The following TRMT11 variants were observed in gnomAD, a reference collection of about 807,000 sequenced individuals.
The protein encoded by TRMT11 is tRNA (guanine(10)-N(2))-methyltransferase TRMT11.
TRMT11 carries 53 observed loss-of-function variants against 62.8 expected under a neutral mutation model. The ratio of observed to expected loss-of-function variants is 0.84; its 90% CI spans 0.68 to 1.06. The LOEUF is 1.06. Ranked by LOEUF, TRMT11 falls within the 50% of genes least tolerant of loss-of-function variation. TRMT11 has a pLI of 0.00. For missense variants in TRMT11, 556 were observed against 553.4 expected, an observed-to-expected ratio of 1.00 and a Z score of -0.05; for synonymous variants, 188 against 190.3, an observed-to-expected ratio of 0.99 and a Z score of 0.10.
intron 21 of TRMT11, among the ~76,000 whole-genome samples, chr6:126,137,424 T>A (rs1777864193): frequency 6.6e-6 from 1 of 151,506 alleles, no homozygotes; most frequent in Non-Finnish European, 1.5e-5. Flanking sequence ...GAAATGCAAA[T>A]CAAAACCACA....
chr6:126,043,689 A>G (rs1241616734), downstream of TRMT11, among the ~76,000 whole-genome samples: 146 of 152,016 alleles, frequency 9.6e-4, 1 homozygote, highest in South Asian at 1.5e-3. Context: ...AACTGTTCCT[A>G]TTTCTCCACA....
At chr6:126,094,837 C>A (rs1434627455) in intron 17 of TRMT11, among the ~76,000 whole-genome samples, 1 of 152,184 alleles carries the variant, frequency 6.6e-6, no homozygotes, top group Admixed American at 6.5e-5. Flanking sequence ...AAAGAACTCT[C>A]ATATGTGTTA....
chr6:126,219,002 A>G, the TRMT11 span, among the ~76,000 whole-genome samples: 1 of 152,082 alleles, frequency 6.6e-6, no homozygotes, highest in Non-Finnish European at 1.5e-5. Flanking sequence ...GTTCCAATAC[A>G]AAGTCCCACA....
chr6:126,245,552 G>A, the TRMT11 span, among the ~76,000 whole-genome samples: 1 of 152,348 alleles, frequency 6.6e-6, no homozygotes, highest in Admixed American at 6.5e-5. Context: ...TCCACTTAGG[G>A]ACAGATGGAT....
intron 12 of TRMT11, among the ~76,000 whole-genome samples, chr6:126,023,503 C>G (rs376460931): frequency 6.6e-6 from 1 of 152,088 alleles, no homozygotes; most frequent in African/African-American, 2.4e-5. Flanking sequence ...CAAAAATTAC[C>G]TGGGCATGGT....
intron 3 of TRMT11, among the ~76,000 whole-genome samples, chr6:126,200,576 C>G (rs781075216): frequency 6.6e-6 from 1 of 152,092 alleles, no homozygotes. Context: ...GTTTTTGAGA[C>G]GGAGTCTTGC....
intron 21 of TRMT11, among the ~76,000 whole-genome samples, chr6:126,142,444 G>T (rs2128215903): frequency 6.6e-6 from 1 of 152,162 alleles, no homozygotes; most frequent in South Asian, 2.1e-4. Context: ...AAATAAATGA[G>T]TGGAGTTGTC....
chr6:126,051,951 G>A (rs141796509), intron 16 of TRMT11, among the ~76,000 whole-genome samples: 54 of 152,258 alleles, frequency 3.5e-4, no homozygotes, highest in African/African-American at 1.2e-3. Context: ...AAGACACATT[G>A]TACAGCTCCA....
intron 21 of TRMT11, among the ~76,000 whole-genome samples, chr6:126,170,958 ACT>A (rs1381323438): frequency 6.6e-6 from 1 of 151,970 alleles, no homozygotes; most frequent in African/African-American, 2.4e-5. Context: ...TGATTCAGAA[ACT>A]CTGGGGATGG....
At chr6:126,196,265 C>T (rs1249473306) in intron 1 of TRMT11, among the ~76,000 whole-genome samples, 3 of 152,140 alleles carry the variant, frequency 2.0e-5, no homozygotes, top group African/African-American at 7.2e-5. Flanking sequence ...GGAAAACACA[C>T]GAAACAAGGA....
At chr6:126,216,647 C>A in the TRMT11 span, among the ~76,000 whole-genome samples, 1 of 152,076 alleles carries the variant, frequency 6.6e-6, no homozygotes, top group Non-Finnish European at 1.5e-5. Flanking sequence ...TATTTCTTTT[C>A]TCTTGCCACC....
the TRMT11 span, among the ~76,000 whole-genome samples, chr6:126,222,480 T>C: frequency 1.3e-5 from 2 of 152,164 alleles, no homozygotes; most frequent in East Asian, 3.8e-4. Flanking sequence ...TTTCCATTTG[T>C]TTCTGTCATC....
At chr6:126,121,063 C>T (rs1328578975) in intron 21 of TRMT11, among the ~76,000 whole-genome samples, 4 of 152,044 alleles carry the variant, frequency 2.6e-5, no homozygotes, top group Non-Finnish European at 5.9e-5. Context: ...ACTATTGCCC[C>T]CAATTGGTGT....
chr6:126,162,215 T>G (rs1400908318), intron 21 of TRMT11, among the ~76,000 whole-genome samples: 1 of 152,256 alleles, frequency 6.6e-6, no homozygotes, highest in Non-Finnish European at 1.5e-5. Context: ...AAGCCTTTAA[T>G]CCATCTTGAG....
chr6:126,171,453 C>T (rs1778329262), intron 21 of TRMT11, among the ~76,000 whole-genome samples: 1 of 151,886 alleles, frequency 6.6e-6, no homozygotes, highest in Admixed American at 6.6e-5. Context: ...TCACAATTAG[C>T]CACATGCTAT....
chr6:126,091,203 CAAA>C (rs34621211), intron 17 of TRMT11, among the ~76,000 whole-genome samples: 11 of 132,268 alleles, frequency 8.3e-5, no homozygotes, highest in Non-Finnish European at 4.9e-5. Context: ...GACTCCATCT[CAAA>C]AAAAAAAAAA....
chr6:126,079,996 A>G (rs1014504574), intron 17 of TRMT11, among the ~76,000 whole-genome samples: 1 of 152,202 alleles, frequency 6.6e-6, no homozygotes, highest in African/African-American at 2.4e-5. Context: ...GTGGCTAACT[A>G]CCAGGGTGAT....
At chr6:126,164,839 T>G (rs751872993) in intron 21 of TRMT11, among the ~76,000 whole-genome samples, 24 of 152,206 alleles carry the variant, frequency 1.6e-4, no homozygotes, top group Non-Finnish European at 2.6e-4. Context: ...TGGTAAGTCT[T>G]CCTCCATCCC....
the TRMT11 span, among the ~76,000 whole-genome samples, chr6:126,257,760 A>C: frequency 6.6e-6 from 1 of 152,174 alleles, no homozygotes; most frequent in East Asian, 1.9e-4. Flanking sequence ...TCATCGGTTT[A>C]ATAACAATGA....
Sources: gnomAD v4.1 joint callset for allele counts (sites outside exome capture counted in the v4.1 genomes callset) on GRCh38, gnomAD v4.1.1 for gene constraint, MANE v1.5 for transcripts, NCBI Gene and HGNC (gene_info 2026-07-23, HGNC 2026-07-21) for gene names.